CA10: variants seen among roughly 807,000 people sequenced by gnomAD.
CA10 encodes the protein carbonic anhydrase-related protein 10.
CA10 carries 14 observed loss-of-function variants against 44.2 expected under a neutral mutation model. That is an observed-to-expected ratio of 0.32 (90% CI 0.21 to 0.50). The LOEUF is 0.50. CA10 is among the 20% of genes least tolerant of loss of function. The pLI is 0.99. For synonymous variants in CA10, 159 were observed against 141.6 expected (o/e 1.12, Z -0.87); for missense variants, 350 against 409.7 (o/e 0.85, Z 1.26).
chr17:51,850,114 C>A (rs1050437574), intron 3 of CA10, among the ~76,000 whole-genome samples: 3 of 152,204 alleles, frequency 2.0e-5, no homozygotes, highest in Non-Finnish European at 4.4e-5. Flanking sequence ...TAAAATGTCA[C>A]TTTACATGCA....
chr17:52,044,265 T>C (rs1986847809), intron 2 of CA10, among the ~76,000 whole-genome samples: 1 of 152,130 alleles, frequency 6.6e-6, no homozygotes, highest in Non-Finnish European at 1.5e-5. Context: ...TTCTGTTTCT[T>C]CATGGTTAGT....
At chr17:51,865,479 A>AAG (rs1979502785) in intron 3 of CA10, among the ~76,000 whole-genome samples, 3 of 152,242 alleles carry the variant, frequency 2.0e-5, no homozygotes, top group Non-Finnish European at 4.4e-5. Context: ...AAAGACATTT[A>AAG]TAGTGCAATG....
intron 4 of CA10, among the ~76,000 whole-genome samples, chr17:51,707,695 G>GTGTT: frequency 6.6e-6 from 1 of 151,968 alleles, no homozygotes; most frequent in South Asian, 2.1e-4. Context: ...GTGTGTGTGT[G>GTGTT]TGTGTGTGTT....
intron 1 of CA10, 130 bp from the exon 2 acceptor site, chr17:52,072,523 C>T: frequency 1.9e-6 from 1 of 516,400 alleles, no homozygotes; most frequent in Non-Finnish European, 3.3e-6. Flanking sequence ...ACAACAGAAC[C>T]TTCCTTCTCC....
intron 3 of CA10, among the ~76,000 whole-genome samples, chr17:51,897,761 C>T (rs1215080628): frequency 6.6e-6 from 1 of 152,074 alleles, no homozygotes; most frequent in Non-Finnish European, 1.5e-5. Flanking sequence ...TTGTAATTCT[C>T]ATTGTAGAGA....
chr17:52,062,014 A>G (rs1485673547), intron 2 of CA10, among the ~76,000 whole-genome samples: 1 of 151,712 alleles, frequency 6.6e-6, no homozygotes. Context: ...AGAAAACCTC[A>G]TAAATTCACT....
At chr17:51,795,189 G>T (rs116646197) in intron 3 of CA10, among the ~76,000 whole-genome samples, 1 of 152,176 alleles carries the variant, frequency 6.6e-6, no homozygotes, top group African/African-American at 2.4e-5. Context: ...TATTTTCTTA[G>T]ATCTCATTTC....
At chr17:51,830,195 C>CA (rs1220410518) in intron 3 of CA10, among the ~76,000 whole-genome samples, 2,064 of 89,616 alleles carry the variant, frequency 0.023, 87 homozygotes, top group African/African-American at 0.07. Flanking sequence ...GACTCCATCT[C>CA]AAAAAAAAAA....
At chr17:51,733,858 C>A (rs1028286338) in intron 4 of CA10, among the ~76,000 whole-genome samples, 6 of 152,112 alleles carry the variant, frequency 3.9e-5, no homozygotes, top group African/African-American at 1.4e-4. Context: ...GCAAAGAAAT[C>A]ATTTAACTTG....
intron 3 of CA10, among the ~76,000 whole-genome samples, chr17:51,758,658 G>C (rs952964121): frequency 6.6e-6 from 1 of 152,186 alleles, no homozygotes; most frequent in South Asian, 2.1e-4. Context: ...AGGTTTCCGG[G>C]GGGTGAGTCC....
intron 1 of CA10, among the ~76,000 whole-genome samples, chr17:52,088,323 G>T (rs965084815): frequency 1.3e-5 from 2 of 152,138 alleles, no homozygotes; most frequent in African/African-American, 4.8e-5. Flanking sequence ...TCAGTAGTCA[G>T]CAAACTCCAA....
chr17:51,971,374 T>G (rs904297821), intron 2 of CA10, among the ~76,000 whole-genome samples: 2 of 152,104 alleles, frequency 1.3e-5, no homozygotes, highest in Non-Finnish European at 2.9e-5. Context: ...CTTAGTGAGA[T>G]TTTGTTTAAG....
At chr17:52,098,860 C>A (rs16950976) in intron 1 of CA10, among the ~76,000 whole-genome samples, 3,077 of 152,262 alleles carry the variant, frequency 0.02, 107 homozygotes, top group African/African-American at 0.069. Context: ...CACATCTTTA[C>A]AATGTTTCAT....
chr17:51,777,071 T>C (rs1229189719), intron 3 of CA10, among the ~76,000 whole-genome samples: 1 of 152,176 alleles, frequency 6.6e-6, no homozygotes, highest in Non-Finnish European at 1.5e-5. Flanking sequence ...GGAAACAGTT[T>C]ATAGACTGAA....
intron 2 of CA10, among the ~76,000 whole-genome samples, chr17:51,941,172 C>T (rs1175324476): frequency 6.6e-6 from 1 of 152,034 alleles, no homozygotes. Flanking sequence ...TCTAAAATTC[C>T]CACTCTTATT....
intron 2 of CA10, among the ~76,000 whole-genome samples, chr17:51,932,252 G>A (rs965528134): frequency 6.6e-6 from 1 of 152,106 alleles, no homozygotes; most frequent in Non-Finnish European, 1.5e-5. Context: ...TGGAGAAGAT[G>A]AGCCTAACAA....
In CA10 at chr17:51,935,457, T is replaced by C. The variant is rs533159438; in HGVS notation, c.137-4325A>G. 8.5e-5 allele frequency among the ~76,000 whole-genome samples: 13 copies of C among 152,302 alleles called. No individual in the cohort carries two copies. In the South Asian group the frequency reaches 2.7e-3, roughly 32 times the overall value. ...GTCTGACGATGTTTGAATTCCATCA[T>C]CCTTGGCATCCTTTTTGTACAATCT... On this transcript the variant is annotated intron_variant, in intron 2 of 8. Transcript: ENST00000451037.
Position 51,747,834 on chromosome 17 carries a change from C to T in CA10, c.280-16G>A, listed in dbSNP as rs187120666. ...TCCCACTGACCTGCAAGGCAATTAGCAACAGGTCAAGCAAGGCCCTCCTTC... is the reference window on the plus strand; with the variant it reads ...TCCCACTGACCTGCAAGGCAATTAGTAACAGGTCAAGCAAGGCCCTCCTTC... On this transcript the variant is annotated splice_polypyrimidine_tract_variant and intron_variant, in intron 3 of 8. Transcript: ENST00000451037. 6.9e-6 allele frequency: 11 copies of T among 1,597,978 alleles called. No individual in the cohort carries two copies. The African/African-American group carries it at 8.0e-5, about 12-fold the overall frequency.
At position 51,717,784 on chromosome 17, in the gene CA10, T is replaced by C. The variant is rs1297725299; in HGVS notation, c.465+29849A>G. Among the ~76,000 whole-genome samples, 4 of 82,942 alleles carry C rather than the reference T, an allele frequency of 4.8e-5. 2 individuals carry two copies. Among genetic ancestry groups the C allele is most frequent in the Non-Finnish European group, 9.5e-5 (4 of 42,030 alleles). 54.4% of individuals were successfully genotyped at this position (82,942 alleles called of 152,430 possible). A position where few individuals can be genotyped will look rare whatever the true frequency, so the allele number is the denominator to read the frequency against. ...GTATATATGTATACATATATGCATG[T>C]ATATATGTATATGTGTATATATATA... On this transcript the variant is annotated intron_variant, in intron 4 of 8. Coordinates refer to ENST00000451037, the MANE Select transcript of CA10 (RefSeq NM_020178.5).
Sources: allele counts gnomAD v4.1 joint callset (sites outside exome capture counted in the v4.1 genomes callset), GRCh38; gene constraint gnomAD v4.1.1; transcripts MANE v1.5; gene names NCBI Gene and HGNC (gene_info 2026-07-23, HGNC 2026-07-21).